TAFA1: variants seen among roughly 807,000 people sequenced by gnomAD.
TAFA1 encodes the protein TAFA chemokine like family member 1, also known as chemokine-like protein TAFA-1.
In TAFA1, 4 loss-of-function variants were observed where a neutral mutation model predicts 18.5. The observed-to-expected ratio is 0.22, with a 90% CI of 0.11 to 0.49. The LOEUF is 0.49. Among genes scored for constraint, TAFA1 ranks in the 20% least tolerant of loss-of-function variants. The probability of loss-of-function intolerance (pLI) is 0.98; values close to 1 mark genes in which losing one functional copy is unlikely to be tolerated. For missense variants in TAFA1, 147 were observed against 169.0 expected, an observed-to-expected ratio of 0.87 and a Z score of 0.72; for synonymous variants, 56 against 55.2, an observed-to-expected ratio of 1.01 and a Z score of -0.06.
chr3:68,292,934 A>T (rs992515009), intron 2 of TAFA1, among the ~76,000 whole-genome samples: 3 of 152,204 alleles, frequency 2.0e-5, no homozygotes, highest in African/African-American at 7.2e-5. Context: ...CACAGGTTAG[A>T]TTAAGAGGCA....
Position 68,288,100 on chromosome 3 carries a change from G to C in TAFA1, c.119-129180G>C, listed in dbSNP as rs1192664629. On this transcript the variant is annotated intron_variant, in intron 2 of 4. Coordinates refer to ENST00000478136, the MANE Select transcript of TAFA1 (RefSeq NM_213609.4). ...CTCAATTCTCATTACTTTGCTCTCT[G>C]GTCATGGGTGATCTCCCCTCTCTTT... 2.0e-5 allele frequency among the ~76,000 whole-genome samples: 3 copies of C among 152,120 alleles called. No homozygotes were observed. The East Asian group carries it at 5.8e-4, about 29-fold the overall frequency.
chr3:68,274,709 G>A (rs1055101407), intron 2 of TAFA1, among the ~76,000 whole-genome samples: 15 of 152,080 alleles, frequency 9.9e-5, no homozygotes, highest in South Asian at 2.1e-4. Context: ...CCCCCGCCCC[G>A]CCCCCGCCCA....
At chr3:68,187,561 T>A (rs1020178088) in intron 2 of TAFA1, among the ~76,000 whole-genome samples, 4 of 152,046 alleles carry the variant, frequency 2.6e-5, no homozygotes, top group African/African-American at 9.7e-5. Context: ...GGACAAATTT[T>A]AGAAATCCTC....
chr3:68,510,007 G>A (rs1043963575), intron 3 of TAFA1, among the ~76,000 whole-genome samples: 8 of 151,914 alleles, frequency 5.3e-5, no homozygotes, highest in Admixed American at 2.6e-4. Flanking sequence ...CCATTGTCTC[G>A]GGATAAAGTT....
chr3:68,129,790 G>C (rs2065515612), intron 2 of TAFA1, among the ~76,000 whole-genome samples: 1 of 152,182 alleles, frequency 6.6e-6, no homozygotes, highest in African/African-American at 2.4e-5. Context: ...GGGTTCCATG[G>C]GAATCGTAAC....
chr3:68,418,686 A>C (rs1341187429), intron 3 of TAFA1, among the ~76,000 whole-genome samples: 1 of 152,198 alleles, frequency 6.6e-6, no homozygotes, highest in Non-Finnish European at 1.5e-5. Context: ...CACATATTTA[A>C]TGAGCACTTA....
intron 2 of TAFA1, among the ~76,000 whole-genome samples, chr3:68,013,263 A>G (rs1704507128): frequency 6.6e-6 from 1 of 152,086 alleles, no homozygotes; most frequent in African/African-American, 2.4e-5. Flanking sequence ...GTGTGTACAT[A>G]TGGATGTATG....
Position 68,405,739 on chromosome 3 carries a change from A to C in TAFA1, c.119-11541A>C, listed in dbSNP as rs1027434377. ...AAAAAAAAAAAAAAAAAAAAAAAAA[A>C]AGACTAGACAAAGTGAGTATGCAAT... On this transcript the variant is annotated intron_variant, in intron 2 of 4. Coordinates refer to ENST00000478136, the MANE Select transcript of TAFA1 (RefSeq NM_213609.4). Among the ~76,000 whole-genome samples the C allele has an allele frequency of 3.0e-5, 4 of 131,604 alleles. No homozygotes were observed. The South Asian group carries it at 9.4e-4, about 31-fold the overall frequency. The allele number at this position is 131,604 out of a possible 152,430, so 86.3% of individuals were successfully genotyped here. A position where few individuals can be genotyped will look rare whatever the true frequency, so the allele number is the denominator to read the frequency against.
chr3:68,219,005 C>CT (rs11318088), intron 2 of TAFA1, among the ~76,000 whole-genome samples: 22,391 of 147,920 alleles, frequency 0.15, 1,844 homozygotes, highest in African/African-American at 0.23. Flanking sequence ...CCTAAGCATT[C>CT]TTTTTTTTTT....
chr3:68,287,675 T>C (rs2068033229), intron 2 of TAFA1, among the ~76,000 whole-genome samples: 1 of 152,126 alleles, frequency 6.6e-6, no homozygotes, highest in South Asian at 2.1e-4. Context: ...TTTTAAGTGT[T>C]TTAAAAATAC....
At chr3:68,272,576 A>T (rs2067696479) in intron 2 of TAFA1, among the ~76,000 whole-genome samples, 1 of 152,184 alleles carries the variant, frequency 6.6e-6, no homozygotes, top group African/African-American at 2.4e-5. Context: ...TGTTTTTAAG[A>T]AACTGGACTT....
rs938279143 is a variant in TAFA1 at position 68,474,058 on chromosome 3, C to A, written c.259+56638C>A. Among the ~76,000 whole-genome samples, 40 of 149,126 alleles carry A rather than the reference C, an allele frequency of 2.7e-4. 1 individual carries two copies. The highest frequency in any genetic ancestry group is 4.5e-4 in the South Asian group (2 of 4,470). On this transcript the variant is annotated intron_variant, in intron 3 of 4. Transcript: ENST00000478136. ...TGCAAGAAAATGTATCACCCCCCCC[C>A]CCAAGTAAATAAAAAGCCAAGCTAT...
At chr3:68,438,110 G>C (rs944177991) in intron 3 of TAFA1, among the ~76,000 whole-genome samples, 5 of 152,152 alleles carry the variant, frequency 3.3e-5, no homozygotes, top group Non-Finnish European at 7.3e-5. Flanking sequence ...TGTAATACAA[G>C]CACTTTGGGA....
At chr3:68,257,794 A>T (rs1218404025) in intron 2 of TAFA1, among the ~76,000 whole-genome samples, 2 of 152,134 alleles carry the variant, frequency 1.3e-5, no homozygotes, top group African/African-American at 4.8e-5. Context: ...TAGTAACCTC[A>T]CAGTGGATAA....
chr3:68,247,169 A>G (rs2067097524), intron 2 of TAFA1, among the ~76,000 whole-genome samples: 1 of 152,136 alleles, frequency 6.6e-6, no homozygotes, highest in Non-Finnish European at 1.5e-5. Context: ...GTGATTAGAA[A>G]CAAAATTTTG....
chr3:68,036,956 C>T (rs1171720563), intron 2 of TAFA1, among the ~76,000 whole-genome samples: 1 of 152,062 alleles, frequency 6.6e-6, no homozygotes, highest in South Asian at 2.1e-4. Flanking sequence ...GTGCTAAGTC[C>T]CTCACCAGGA....
intron 2 of TAFA1, among the ~76,000 whole-genome samples, chr3:68,225,291 C>T (rs1370531217): frequency 2.0e-5 from 3 of 152,100 alleles, no homozygotes; most frequent in Non-Finnish European, 2.9e-5. Context: ...CAAGAGGAGA[C>T]ATGAATGGGA....
At chr3:68,477,930 C>T (rs780336689) in intron 3 of TAFA1, among the ~76,000 whole-genome samples, 3 of 152,116 alleles carry the variant, frequency 2.0e-5, no homozygotes, top group Non-Finnish European at 2.9e-5. Flanking sequence ...AGGCATGGAT[C>T]ATCAGTAACA....
At chr3:68,157,750 C>T (rs1244131849) in intron 2 of TAFA1, among the ~76,000 whole-genome samples, 1 of 148,906 alleles carries the variant, frequency 6.7e-6, no homozygotes, top group Non-Finnish European at 1.5e-5. Flanking sequence ...CTCCAAATAG[C>T]TCTGGCTACA....
Sources: gnomAD v4.1 joint callset for allele counts (sites outside exome capture counted in the v4.1 genomes callset) on GRCh38, gnomAD v4.1.1 for gene constraint, MANE v1.5 for transcripts, NCBI Gene and HGNC (gene_info 2026-07-23, HGNC 2026-07-21) for gene names.